DNAH2: variants seen among roughly 807,000 people sequenced by gnomAD.
DNAH2 encodes the protein dynein axonemal heavy chain 2.
A neutral mutation model predicts 523.5 loss-of-function variants in DNAH2; 323 were observed. That is an observed-to-expected ratio of 0.62 (90% CI 0.56 to 0.68). The LOEUF (loss-of-function observed/expected upper bound fraction) is 0.68, where lower values mean the gene tolerates loss of function less well. Among genes scored for constraint, DNAH2 ranks in the 30% least tolerant of loss-of-function variants. The pLI, the probability that DNAH2 is intolerant of heterozygous loss-of-function variation, is 0.00. For missense variants in DNAH2, 4,907 were observed against 5,701.5 expected, an observed-to-expected ratio of 0.86 and a Z score of 4.49; for synonymous variants, 2,093 against 2,177.4, an observed-to-expected ratio of 0.96 and a Z score of 1.08.
Position 7,805,396 on chromosome 17 carries a change from A to T in DNAH2, c.9442+3A>T, listed in dbSNP as rs1221498632. The T allele has an allele frequency of 1.2e-6, 2 of 1,614,192 alleles. No homozygotes were observed. Among genetic ancestry groups the T allele is most frequent in the South Asian group, 2.2e-5 (2 of 91,088 alleles). ...GGCAGAGGCCAAGAGGCAGCTAGGT[A>T]AGCTAGAGACAATGAAATCAATGAC... On this transcript the variant is annotated splice_donor_region_variant and intron_variant, in intron 61 of 85. Transcript: ENST00000572933.
intron 11 of DNAH2, among the ~76,000 whole-genome samples, chr17:7,741,300 T>TC (rs1567625062): frequency 0.011 from 497 of 44,772 alleles, 1 homozygote; most frequent in East Asian, 0.055. Flanking sequence ...CTTTCTTCCT[T>TC]CCTTCCCTCC....
chr17:7,786,918 G>T lies in DNAH2; in HGVS notation c.6488G>T (p.Trp2163Leu), dbSNP rs758019073. Residue 2163 changes from tryptophan to leucine, a missense_variant, in exon 42 of 86, where the codon TGG becomes TTG. Trp to Leu is a moderately conservative substitution (Grantham distance 61). Transcript: ENST00000572933. This position sits in a 1 kb window ranked among gnomAD's most constrained non-coding sequence, Gnocchi z 7.5. ...TCAGATGAGAAACCCGACGAGAAGT[G>T]GATCCTGTTCGATGGCCCCGTGGAC... ...ACADEKPDEK[W>L]ILFDGPVDTL... 1.2e-6 allele frequency: 2 copies of T among 1,614,234 alleles called. No individual in the cohort carries two copies. The highest frequency in any genetic ancestry group is 2.2e-5 in the South Asian group (2 of 91,090).
rs1235926723 is a variant in DNAH2, at chr17:7,798,763, C to T, written c.8559+45C>T. ...CTTGACCAGTCAGTTCTTTGGCCTG[C>T]CTAGCTGACCCCAGAAGGACCACAG... On this transcript the variant is annotated intron_variant, in intron 55 of 85. Transcript: ENST00000572933. This position sits in a 1 kb window ranked among gnomAD's most constrained non-coding sequence, Gnocchi z 5.5. 1 of 1,583,378 alleles carries T rather than the reference C, an allele frequency of 6.3e-7. No homozygotes were observed. The highest frequency in any genetic ancestry group is 8.6e-7 in the Non-Finnish European group (1 of 1,165,942).
Position 7,817,990 on chromosome 17 carries a change from C to A in DNAH2, c.10281C>A (p.Ile3427=). 6.2e-7 allele frequency: 1 copy of A among 1,614,122 alleles called. No individual in the cohort carries two copies. Among genetic ancestry groups the A allele is most frequent in the Non-Finnish European group, 8.5e-7 (1 of 1,180,022 alleles). Residue 3427 remains isoleucine, a synonymous_variant, in exon 68 of 86, where the codon ATC becomes ATA. Coordinates refer to ENST00000572933, the MANE Select transcript of DNAH2 (RefSeq NM_020877.5). ...IDLQMSDYLR[I]LEHAIHFGYP... Reference sequence around the variant, plus strand: ...TGCAGATGAGCGATTACCTGCGAATCCTAGAACACGCCATTCACTTTGGAT... The same window carrying A: ...TGCAGATGAGCGATTACCTGCGAATACTAGAACACGCCATTCACTTTGGAT...
intron 44 of DNAH2, among the ~76,000 whole-genome samples, chr17:7,789,332 G>C (rs2076832694): frequency 6.6e-6 from 1 of 152,216 alleles, no homozygotes; most frequent in South Asian, 2.1e-4. Flanking sequence ...CAGAAGTGCA[G>C]ACACACAGGA....
At chr17:7,735,111 CT>C (rs933843769) in intron 7 of DNAH2, among the ~76,000 whole-genome samples, 2 of 152,070 alleles carry the variant, frequency 1.3e-5, no homozygotes, top group African/African-American at 2.4e-5. Flanking sequence ...GGGATAAATA[CT>C]TTTTTTCTTT....
At position 7,781,109 on chromosome 17, in the gene DNAH2, A is replaced by G. The variant is rs770250678; in HGVS notation, c.6071A>G (p.Asn2024Ser). The G allele has an allele frequency of 1.9e-6, 3 of 1,614,198 alleles. No individual in the cohort carries two copies. The highest frequency in any genetic ancestry group is 1.1e-5 in the South Asian group (1 of 91,088). ...ACTTCAGTTGATGCACCCCTGTTCA[A>G]TGCCATCGTGCAAGATCTGTTTCCC... ...KLTSVDAPLFNAIVQDLFPNI... is the reference protein window; with the variant it reads ...KLTSVDAPLFSAIVQDLFPNI... The change falls in exon 39 of 86, where the codon AAT becomes AGT. Residue 2024 changes from asparagine to serine, a missense_variant. By Grantham distance (46) the Asn-to-Ser change is conservative. Around this residue, in one of 3 missense-constraint regions of DNAH2, gnomAD observed 2,806 missense variants for 3,190.8 expected, o/e 0.88. Coordinates refer to ENST00000572933, the MANE Select transcript of DNAH2 (RefSeq NM_020877.5).
intron 11 of DNAH2, among the ~76,000 whole-genome samples, chr17:7,741,641 AGCCACCGC>A (rs1474822534): frequency 6.6e-6 from 1 of 150,676 alleles, no homozygotes; most frequent in Non-Finnish European, 1.5e-5. Flanking sequence ...TACAGGCGTG[AGCCACCGC>A]GCCCGGCTTC....
At chr17:7,783,793 C>G (rs1469093252) in intron 39 of DNAH2, among the ~76,000 whole-genome samples, 1 of 147,890 alleles carries the variant, frequency 6.8e-6, no homozygotes. Flanking sequence ...GAGTGAGACC[C>G]TGTTTCCAAA....
At chr17:7,779,057 T>C (rs945550998) in intron 35 of DNAH2, among the ~76,000 whole-genome samples, 186 bp from the exon 36 acceptor site, 3 of 152,186 alleles carry the variant, frequency 2.0e-5, no homozygotes, top group African/African-American at 7.2e-5. Context: ...TCACCCCAGA[T>C]TGGCCCCATC....
chr17:7,745,571 C>T (rs529166187), intron 12 of DNAH2, among the ~76,000 whole-genome samples: 1 of 151,604 alleles, frequency 6.6e-6, no homozygotes, highest in South Asian at 2.1e-4. Context: ...AATCCCAACA[C>T]TTTGGAAGGC....
At position 7,786,648 on chromosome 17, in the gene DNAH2, G is replaced by T. The variant is rs1324788092; in HGVS notation, c.6427G>T (p.Asp2143Tyr). The change falls in exon 41 of 86, where the codon GAT becomes TAT. Residue 2143 changes from aspartate (D) to tyrosine (Y), a missense_variant. Asp to Tyr is a radical substitution (Grantham distance 160). Transcript: ENST00000572933. The surrounding 1 kb of genome is among the most constrained non-coding windows in gnomAD (Gnocchi z 7.5). The stretch of plus-strand genomic sequence containing the variant: ...TGACCTCAGCACCAATGAATGGACA[G>T]ATGGCATCTTGTCCAGTGTCATGCG... Reference protein sequence around the residue: ...EYDLSTNEWTDGILSSVMRTA... With the variant: ...EYDLSTNEWTYGILSSVMRTA... 3 of 1,614,104 alleles carry T rather than the reference G, an allele frequency of 1.9e-6. No individual in the cohort carries two copies. In the East Asian group the frequency reaches 6.7e-5, roughly 36 times the overall value.
At chr17:7,815,415 C>T (rs1197351629) in intron 63 of DNAH2, among the ~76,000 whole-genome samples, 2 of 152,220 alleles carry the variant, frequency 1.3e-5, no homozygotes, top group Non-Finnish European at 2.9e-5. Context: ...AATCCCCCAC[C>T]CCATATTCCT....
Position 7,743,104 on chromosome 17 carries a change from C to A in DNAH2, c.1866C>A (p.Ser622Arg). The change falls in exon 12 of 86, where the codon AGC (serine) becomes AGA (arginine). Residue 622 changes from serine to arginine, a missense_variant. By Grantham distance (110) the Ser-to-Arg change is moderately radical. Coordinates refer to ENST00000572933, the MANE Select transcript of DNAH2 (RefSeq NM_020877.5). ...TGGATACCCCATTGCTGCGAATCAG[C>A]CAGGAGAAGGCGGGCATGCTGGATG... Reference protein sequence around the residue: ...RRLDTPLLRISQEKAGMLDVN... With the variant: ...RRLDTPLLRIRQEKAGMLDVN... The A allele has an allele frequency of 6.4e-7, 1 of 1,569,468 alleles. No individual in the cohort carries two copies. Among genetic ancestry groups the A allele is most frequent in the South Asian group, 1.2e-5 (1 of 81,890 alleles).
At chr17:7,810,561 G>T (rs1254012668) in intron 63 of DNAH2, among the ~76,000 whole-genome samples, 1 of 151,848 alleles carries the variant, frequency 6.6e-6, no homozygotes, top group African/African-American at 2.4e-5. Flanking sequence ...GCTAATTTTT[G>T]TATTTTTAGT....
Position 7,821,200 on chromosome 17 carries a change from C to G in DNAH2, c.11016-43C>G. On this transcript the variant is annotated intron_variant, in intron 72 of 85. Coordinates refer to ENST00000572933, the MANE Select transcript of DNAH2 (RefSeq NM_020877.5). This position sits in a 1 kb window ranked among gnomAD's most constrained non-coding sequence, Gnocchi z 5.0. ...AGCATTCGCATGGAGCATCAGCCCC[C>G]ATTCCATGCTGCCCCTCCCTCTTCC... 6.3e-7 allele frequency: 1 copy of G among 1,598,218 alleles called. No homozygotes were observed. Among genetic ancestry groups the G allele is most frequent in the Non-Finnish European group, 8.5e-7 (1 of 1,169,860 alleles).
chr17:7,720,803 T>G (rs140660804), intron 2 of DNAH2, among the ~76,000 whole-genome samples: 17 of 152,218 alleles, frequency 1.1e-4, no homozygotes, highest in Non-Finnish European at 1.9e-4. Context: ...CCTTCTGAGT[T>G]CTGAAGTGCT....
chr17:7,734,786 A>C, intron 7 of DNAH2, 78 bp downstream of exon 7: 2 of 1,474,068 alleles, frequency 1.4e-6, no homozygotes, highest in Non-Finnish European at 1.9e-6. Context: ...CTAAGTAAGG[A>C]GAGGGAGCCA....
At chr17:7,763,784 G>A (rs368161161) in intron 18 of DNAH2, 47 bp from the exon 19 acceptor site, 2 of 1,609,704 alleles carry the variant, frequency 1.2e-6, no homozygotes, top group Admixed American at 1.7e-5. Context: ...CAGAGGGTAT[G>A]TCTGCAAAGA....
Sources: gnomAD v4.1 joint callset for allele counts (sites outside exome capture counted in the v4.1 genomes callset) on GRCh38, gnomAD v4.1.1 for gene constraint, gnomAD v4.1.1 regional missense constraint, Gnocchi (gnomAD v3.1) non-coding constraint, MANE v1.5 for transcripts, NCBI Gene and HGNC (gene_info 2026-07-23, HGNC 2026-07-21) for gene names.